Variants in TRPM3 observed in about 807,000 individuals in gnomAD.
The protein encoded by TRPM3 is long transient receptor potential channel 3.
TRPM3 carries 77 observed loss-of-function variants against 181.2 expected under a neutral mutation model. That is an observed-to-expected ratio of 0.42 (90% CI 0.35 to 0.51). TRPM3 has a LOEUF of 0.51. Among genes scored for constraint, TRPM3 ranks in the 20% least tolerant of loss-of-function variants. TRPM3 has a pLI of 0.01. For missense variants in TRPM3, 1,759 were observed against 2,196.7 expected (o/e 0.80, Z 3.98); for synonymous variants, 745 against 796.4 (o/e 0.94, Z 1.09).
At chr9:71,445,858 C>T (rs2131702268) in intron 1 of TRPM3, among the ~76,000 whole-genome samples, 1 of 152,288 alleles carries the variant, frequency 6.6e-6, no homozygotes, top group South Asian at 2.1e-4. Context: ...ATCCTCCTTC[C>T]CCAGGAGCAA....
At chr9:71,055,308 G>C (rs1432475064) in intron 1 of TRPM3, among the ~76,000 whole-genome samples, 1 of 152,044 alleles carries the variant, frequency 6.6e-6, no homozygotes, top group Non-Finnish European at 1.5e-5. Context: ...AGATAGTGCA[G>C]TAGATAATAG....
chr9:71,004,681 C>G (rs891951663), intron 1 of TRPM3, among the ~76,000 whole-genome samples: 2 of 152,066 alleles, frequency 1.3e-5, no homozygotes, highest in African/African-American at 4.8e-5. Context: ...TCAGAATAGT[C>G]CTCTTAAAGA....
chr9:70,960,310 A>G (rs944208857), intron 1 of TRPM3, among the ~76,000 whole-genome samples: 1 of 152,166 alleles, frequency 6.6e-6, no homozygotes, highest in African/African-American at 2.4e-5. Flanking sequence ...AATGCCACTC[A>G]AGCTTGCTTG....
intron 1 of TRPM3, among the ~76,000 whole-genome samples, chr9:70,923,442 G>T (rs1390705821): frequency 6.6e-6 from 1 of 152,020 alleles, no homozygotes; most frequent in Admixed American, 6.6e-5. Context: ...TTCTTAAAAT[G>T]TATTTAATTT....
At chr9:70,587,416 C>T (rs117336793) in intron 22 of TRPM3, among the ~76,000 whole-genome samples, 6,040 of 152,216 alleles carry the variant, frequency 0.04, 191 homozygotes, top group Non-Finnish European at 0.061. Context: ...AAATGAAAGT[C>T]GCATTCATTC....
At chr9:71,397,213 A>G (rs191708137) in intron 1 of TRPM3, among the ~76,000 whole-genome samples, 1 of 152,346 alleles carries the variant, frequency 6.6e-6, no homozygotes, top group Non-Finnish European at 1.5e-5. Flanking sequence ...AGCTACTATT[A>G]TACTCCTTTA....
chr9:70,827,837 C>A lies in TRPM3; in HGVS notation c.973+10G>T, dbSNP rs141794519. Reference sequence around the variant, plus strand: ...TACGAGCCATGCCAGTGGGAACAACCGCTACTTACTTGTGTTTATCTTCTG... The same window carrying A: ...TACGAGCCATGCCAGTGGGAACAACAGCTACTTACTTGTGTTTATCTTCTG... On this transcript the variant is annotated intron_variant, in intron 6 of 25. Coordinates refer to ENST00000677713, the MANE Select transcript of TRPM3 (RefSeq NM_001366145.2). 7.3e-5 allele frequency: 118 copies of A among 1,612,662 alleles called. No individual in the cohort carries two copies. Among genetic ancestry groups the A allele is most frequent in the Non-Finnish European group, 9.8e-5 (116 of 1,179,080 alleles).
intron 1 of TRPM3, among the ~76,000 whole-genome samples, chr9:71,201,540 T>A (rs957659937): frequency 1.3e-5 from 2 of 152,208 alleles, no homozygotes; most frequent in African/African-American, 4.8e-5. Context: ...TCTTTTCACA[T>A]AGTCCCATAT....
chr9:71,064,393 T>C (rs1411493729), intron 1 of TRPM3, among the ~76,000 whole-genome samples: 1 of 151,998 alleles, frequency 6.6e-6, no homozygotes, highest in Non-Finnish European at 1.5e-5. Flanking sequence ...AAAAAATTGT[T>C]TACATTACAC....
intron 1 of TRPM3, among the ~76,000 whole-genome samples, chr9:71,091,759 T>C (rs2066262818): frequency 6.6e-6 from 1 of 152,114 alleles, no homozygotes. Context: ...ACCAGTTACA[T>C]GTATTGATAA....
At chr9:70,883,941 ACGTT>A (rs2096042605) in intron 1 of TRPM3, among the ~76,000 whole-genome samples, 1 of 152,178 alleles carries the variant, frequency 6.6e-6, no homozygotes, top group Non-Finnish European at 1.5e-5. Context: ...AGAGGCTGAA[ACGTT>A]CTGTGTATAT....
chr9:70,941,508 G>A (rs1890019), intron 1 of TRPM3, among the ~76,000 whole-genome samples: 83,748 of 151,970 alleles, frequency 0.55, 23,756 homozygotes, highest in African/African-American at 0.65. Context: ...ATGGGGCTTC[G>A]CTTTGTTACT....
At chr9:70,826,904 C>G (rs185986619) in intron 6 of TRPM3, 2 of 152,178 alleles carry the variant, frequency 1.3e-5, no homozygotes, top group Admixed American at 1.3e-4. Flanking sequence ...TGAGGCGGGA[C>G]GGTAGATTGC....
At chr9:71,382,507 G>A (rs985985766) in intron 1 of TRPM3, among the ~76,000 whole-genome samples, 1 of 152,080 alleles carries the variant, frequency 6.6e-6, no homozygotes, top group Non-Finnish European at 1.5e-5. Context: ...TAAATAATCA[G>A]TGAAAAACCA....
chr9:71,347,924 C>A (rs888494284), intron 1 of TRPM3, among the ~76,000 whole-genome samples: 1 of 152,026 alleles, frequency 6.6e-6, no homozygotes, highest in African/African-American at 2.4e-5. Flanking sequence ...ACATTCCCTG[C>A]AAATAGGGCT....
At chr9:70,864,698 C>T (rs1273062898) in intron 1 of TRPM3, among the ~76,000 whole-genome samples, 187 bp from the exon 2 acceptor site, 2 of 151,778 alleles carry the variant, frequency 1.3e-5, no homozygotes, top group Non-Finnish European at 2.9e-5. Flanking sequence ...ACTTCCCGTA[C>T]CTGCTGATTA....
chr9:71,128,284 A>G (rs981583307), intron 1 of TRPM3, among the ~76,000 whole-genome samples: 1 of 152,212 alleles, frequency 6.6e-6, no homozygotes, highest in African/African-American at 2.4e-5. Context: ...AAGGTATATA[A>G]GCAGCTTCCA....
chr9:71,333,393 A>G (rs2090347717), intron 1 of TRPM3, among the ~76,000 whole-genome samples: 3 of 152,094 alleles, frequency 2.0e-5, no homozygotes, highest in East Asian at 1.9e-4. Context: ...TTTACTTCCA[A>G]TGGGAGAGTA....
intron 1 of TRPM3, among the ~76,000 whole-genome samples, chr9:71,081,493 G>T (rs1397582709): frequency 6.6e-6 from 1 of 152,148 alleles, no homozygotes; most frequent in Non-Finnish European, 1.5e-5. Flanking sequence ...TTCAATGTTA[G>T]ATATAAAGGC....
Sources: gnomAD v4.1 joint callset for allele counts (sites outside exome capture counted in the v4.1 genomes callset) on GRCh38, gnomAD v4.1.1 for gene constraint, MANE v1.5 for transcripts, NCBI Gene and HGNC (gene_info 2026-07-23, HGNC 2026-07-21) for gene names.